The following ARHGAP44 variants were observed in gnomAD, a reference collection of about 807,000 sequenced individuals.
ARHGAP44 encodes rho GTPase-activating protein 44.
In ARHGAP44, 43 loss-of-function variants were observed where a neutral mutation model predicts 106.8. The observed-to-expected ratio is 0.40, with a 90% CI of 0.32 to 0.52. The LOEUF (loss-of-function observed/expected upper bound fraction) is 0.52, where lower values mean the gene tolerates loss of function less well. Among genes scored for constraint, ARHGAP44 ranks in the 20% least tolerant of loss-of-function variants. ARHGAP44 has a pLI of 0.48. For missense variants in ARHGAP44, 866 were observed against 1,050.5 expected, an observed-to-expected ratio of 0.82 and a Z score of 2.43; for synonymous variants, 439 against 410.3, an observed-to-expected ratio of 1.07 and a Z score of -0.85.
intron 1 of ARHGAP44, among the ~76,000 whole-genome samples, chr17:12,797,768 T>C (rs1260943488): frequency 6.6e-6 from 1 of 150,876 alleles, no homozygotes; most frequent in East Asian, 2.0e-4. Context: ...TTTTTAAAAG[T>C]GTATATTAAG....
At chr17:12,971,084 G>A (rs1398293986) in intron 16 of ARHGAP44, among the ~76,000 whole-genome samples, 2 of 152,214 alleles carry the variant, frequency 1.3e-5, no homozygotes, top group Non-Finnish European at 1.5e-5. Context: ...AGTCATTTCA[G>A]CTGGGAAAGT....
At chr17:12,898,638 C>T (rs1171400427) in intron 3 of ARHGAP44, among the ~76,000 whole-genome samples, 1 of 152,182 alleles carries the variant, frequency 6.6e-6, no homozygotes, top group African/African-American at 2.4e-5. Context: ...CGCATCACAT[C>T]TTCACATAAC....
Position 12,980,102 on chromosome 17 carries a change from G to C in ARHGAP44, c.1808G>C (p.Gly603Ala), listed in dbSNP as rs1432182223. 1.2e-6 allele frequency: 2 copies of C among 1,613,538 alleles called. No homozygotes were observed. The highest frequency in any genetic ancestry group is 2.7e-5 in the African/African-American group (2 of 74,934). ...CTTTCTCCAGGCTCTGCACAGAAAGGAAGTCCAGGCTCCAGCCAGGGCACA... is the reference window on the plus strand; with the variant it reads ...CTTTCTCCAGGCTCTGCACAGAAAGCAAGTCCAGGCTCCAGCCAGGGCACA... ...KELSPGSAQK[G>A]SPGSSQGTAC... The change falls in exon 19 of 21, where the codon GGA (glycine) becomes GCA (alanine). Residue 603 changes from glycine to alanine, a missense_variant. Gly to Ala is a moderately conservative substitution (Grantham distance 60). This residue lies in a region of ARHGAP44 where 418 missense variants were observed against 403.6 expected (regional missense o/e 1.04). Coordinates refer to ENST00000379672, the MANE Select transcript of ARHGAP44 (RefSeq NM_014859.6).
In ARHGAP44 at chr17:12,974,147, C is replaced by T; in HGVS notation, c.1600C>T (p.Arg534Trp). 1 of 1,562,102 alleles carries T rather than the reference C, an allele frequency of 6.4e-7. No homozygotes were observed. Among genetic ancestry groups the T allele is most frequent in the Non-Finnish European group, 8.7e-7 (1 of 1,153,714 alleles). The change falls in exon 18 of 21, where the codon CGG (arginine) becomes TGG (tryptophan). Residue 534 changes from arginine to tryptophan, a missense_variant. Coordinates refer to ENST00000379672, the MANE Select transcript of ARHGAP44 (RefSeq NM_014859.6). ...WVARRGSSAG[R>W]KVSCAPPSMQ... ...GGCTCGAAGAGGCTCCTCGGCCGGT[C>T]GGAAAGTGTCCTGCGCCCCGCCCTC...
In ARHGAP44 at chr17:12,949,484, C is replaced by G. The variant is rs1440437585; in HGVS notation, c.974-165C>G. Among the ~76,000 whole-genome samples the G allele has an allele frequency of 6.6e-6, 1 of 152,154 alleles. No individual in the cohort carries two copies. Among genetic ancestry groups the G allele is most frequent in the Non-Finnish European group, 1.5e-5 (1 of 68,034 alleles). The stretch of plus-strand genomic sequence containing the variant: ...GTGGGAAGAAAGAGGGGCCAGGTCC[C>G]CTGTCAGAGCCTCATACCCATTTCC... On this transcript the variant is annotated intron_variant, in intron 11 of 20. Transcript: ENST00000379672. This position sits in a 1 kb window ranked among gnomAD's most constrained non-coding sequence, Gnocchi z 4.1.
At chr17:12,811,263 A>G (rs1177439798) in intron 1 of ARHGAP44, among the ~76,000 whole-genome samples, 3 of 151,214 alleles carry the variant, frequency 2.0e-5, no homozygotes, top group Admixed American at 2.0e-4. Context: ...CAGTGAGCCG[A>G]GATCGCACCA....
Position 12,915,129 on chromosome 17 carries a change from C to G in ARHGAP44, c.276-771C>G, listed in dbSNP as rs533473560. Among the ~76,000 whole-genome samples, 16 of 152,296 alleles carry G rather than the reference C, an allele frequency of 1.1e-4. No individual in the cohort carries two copies. In the South Asian group the frequency reaches 2.9e-3, roughly 28 times the overall value. On this transcript the variant is annotated intron_variant, in intron 4 of 20. Transcript: ENST00000379672. The stretch of plus-strand genomic sequence containing the variant: ...TCTAGGCTCACTACAGCCTCTGCCT[C>G]CCAGGTACAAGTGATTCTCGTGCCT...
At chr17:12,942,181 C>T (rs1421405950) in intron 8 of ARHGAP44, among the ~76,000 whole-genome samples, 2 of 152,186 alleles carry the variant, frequency 1.3e-5, no homozygotes, top group African/African-American at 4.8e-5. Flanking sequence ...GAGTCTCGCT[C>T]TGTTGCCCAG....
chr17:12,895,052 A>T, intron 2 of ARHGAP44, 73 bp downstream of exon 2: 1 of 1,444,670 alleles, frequency 6.9e-7, no homozygotes, highest in Non-Finnish European at 9.5e-7. Context: ...AATTGCTTGA[A>T]CCCAGGAGGT....
chr17:12,989,498 C>T (rs909962682), intron 20 of ARHGAP44, among the ~76,000 whole-genome samples: 1 of 152,142 alleles, frequency 6.6e-6, no homozygotes, highest in Non-Finnish European at 1.5e-5. Context: ...GGACAGTTGG[C>T]ACCAATGACA....
At chr17:12,948,490 C>T (rs920597186) in intron 10 of ARHGAP44, among the ~76,000 whole-genome samples, 3 of 151,980 alleles carry the variant, frequency 2.0e-5, no homozygotes, top group Admixed American at 6.6e-5. Flanking sequence ...GCCAACATGG[C>T]GAAACCCCAT....
intron 20 of ARHGAP44, chr17:12,985,211 C>T (rs1472396834): frequency 1.2e-5 from 4 of 326,632 alleles, no homozygotes; most frequent in Non-Finnish European, 2.2e-5. Flanking sequence ...TGGAGTGGGG[C>T]CTCAGGAGAG....
At chr17:12,802,863 A>AT (rs1394409822) in intron 1 of ARHGAP44, among the ~76,000 whole-genome samples, 1 of 120,624 alleles carries the variant, frequency 8.3e-6, no homozygotes, top group Non-Finnish European at 1.6e-5. Flanking sequence ...GGTTCAAGTG[A>AT]TTCTTGTGCC....
Position 12,972,635 on chromosome 17 carries a change from C to T in ARHGAP44, c.1524-667C>T, listed in dbSNP as rs560762394. ...TGCACTCCAGCCTGGGTGACAAGAG[C>T]GAAACTCTGTCTCAAATAAATAAAT... On this transcript the variant is annotated intron_variant, in intron 16 of 20. Transcript: ENST00000379672. 1.9e-4 allele frequency among the ~76,000 whole-genome samples: 29 copies of T among 149,860 alleles called. No individual in the cohort carries two copies. The East Asian group carries it at 2.2e-3, about 12-fold the overall frequency.
chr17:12,916,915 A>G (rs1188533827), intron 5 of ARHGAP44, among the ~76,000 whole-genome samples: 1 of 152,224 alleles, frequency 6.6e-6, no homozygotes, highest in Non-Finnish European at 1.5e-5. Flanking sequence ...ACCTGAAACA[A>G]TCCGAAATCT....
intron 3 of ARHGAP44, among the ~76,000 whole-genome samples, chr17:12,899,056 C>T (rs1180215996): frequency 6.6e-6 from 1 of 152,026 alleles, no homozygotes; most frequent in Non-Finnish European, 1.5e-5. Context: ...CTGCAACCTC[C>T]ACCTCCCAGG....
chr17:12,854,958 CAAAAAAAAA>C (rs1182512832), intron 1 of ARHGAP44, among the ~76,000 whole-genome samples: 3,543 of 51,018 alleles, frequency 0.069, 174 homozygotes, highest in African/African-American at 0.18. Flanking sequence ...AACTCTGTCT[CAAAAAAAAA>C]AAAAAAAAAA....
intron 7 of ARHGAP44, among the ~76,000 whole-genome samples, chr17:12,933,635 A>G (rs1453735009): frequency 1.3e-5 from 2 of 152,214 alleles, no homozygotes; most frequent in Non-Finnish European, 2.9e-5. Context: ...TAATTTTTCA[A>G]TAAGAGGAGA....
Position 12,862,412 on chromosome 17 carries a change from C to T in ARHGAP44, c.54-32528C>T, listed in dbSNP as rs553409356. On this transcript the variant is annotated intron_variant, in intron 1 of 20. Coordinates refer to ENST00000379672, the MANE Select transcript of ARHGAP44 (RefSeq NM_014859.6). ...ATGTGTCCTCCTCCTGAGTTGGTAACGCAGGCACAACATAAATGAATTCCT... is the reference window on the plus strand; with the variant it reads ...ATGTGTCCTCCTCCTGAGTTGGTAATGCAGGCACAACATAAATGAATTCCT... 8.5e-5 allele frequency among the ~76,000 whole-genome samples: 13 copies of T among 152,226 alleles called. No homozygotes were observed. The South Asian group carries it at 1.9e-3, about 22-fold the overall frequency.
Sources: gnomAD v4.1 joint callset for allele counts (sites outside exome capture counted in the v4.1 genomes callset) on GRCh38, gnomAD v4.1.1 for gene constraint, gnomAD v4.1.1 regional missense constraint, Gnocchi (gnomAD v3.1) non-coding constraint, MANE v1.5 for transcripts, NCBI Gene and HGNC (gene_info 2026-07-23, HGNC 2026-07-21) for gene names.